STPG2: variants seen among roughly 807,000 people sequenced by gnomAD.
The protein encoded by STPG2 is sperm tail PG-rich repeat containing 2, also known as sperm-tail PG-rich repeat-containing protein 2.
Under a neutral mutation model 54.2 loss-of-function variants are expected in STPG2, and 56 were observed. The ratio of observed to expected loss-of-function variants is 1.03; its 90% CI spans 0.83 to 1.29. The LOEUF is 1.29. Among genes scored for constraint, STPG2 ranks in the 50% most tolerant of loss-of-function variants. STPG2 has a pLI of 0.00. For synonymous variants in STPG2, 200 were observed against 181.8 expected, an observed-to-expected ratio of 1.10 and a Z score of -0.81; for missense variants, 596 against 544.9, an observed-to-expected ratio of 1.09 and a Z score of -0.93.
intron 5 of STPG2, among the ~76,000 whole-genome samples, chr4:98,053,417 CCTT>C (rs777384770): frequency 3.3e-5 from 5 of 152,068 alleles, no homozygotes; most frequent in Non-Finnish European, 7.4e-5. Context: ...CATTCCATAT[CCTT>C]TAATATTCTG....
At chr4:97,927,117 C>T (rs960678487) in intron 8 of STPG2, among the ~76,000 whole-genome samples, 1 of 152,030 alleles carries the variant, frequency 6.6e-6, no homozygotes, top group Non-Finnish European at 1.5e-5. Context: ...TAAACTTTAA[C>T]CTAGCTCGAG....
intron 5 of STPG2, among the ~76,000 whole-genome samples, chr4:98,016,181 A>T (rs1428614786): frequency 1.3e-5 from 2 of 152,198 alleles, no homozygotes; most frequent in African/African-American, 4.8e-5. Context: ...CGCTCTGCAC[A>T]TGTATCCCAG....
intron 4 of STPG2, among the ~76,000 whole-genome samples, chr4:97,551,002 C>T (rs767287685): frequency 1.4e-5 from 2 of 144,286 alleles, no homozygotes; most frequent in East Asian, 1.9e-4. Context: ...AAACCTTCCA[C>T]ACGTGGAAGG....
At chr4:97,670,232 A>AT (rs1462100459) in intron 10 of STPG2, among the ~76,000 whole-genome samples, 1 of 152,062 alleles carries the variant, frequency 6.6e-6, no homozygotes, top group African/African-American at 2.4e-5. Flanking sequence ...TCTCAGAGTG[A>AT]TTTTCCCCAT....
At chr4:98,090,098 G>A (rs1486554590) in intron 5 of STPG2, among the ~76,000 whole-genome samples, 2 of 152,044 alleles carry the variant, frequency 1.3e-5, no homozygotes, top group Non-Finnish European at 1.5e-5. Context: ...GTTTGCTTTT[G>A]GGGTCTTAGT....
intron 6 of STPG2, among the ~76,000 whole-genome samples, chr4:97,975,487 T>C (rs781060830): frequency 1.3e-5 from 2 of 152,202 alleles, no homozygotes; most frequent in South Asian, 2.1e-4. Context: ...CAGTGGTAGT[T>C]CTGAGTGAAT....
At chr4:97,905,898 C>T (rs1731395219) in intron 8 of STPG2, among the ~76,000 whole-genome samples, 1 of 151,824 alleles carries the variant, frequency 6.6e-6, no homozygotes, top group African/African-American at 2.4e-5. Context: ...GAACTAAATG[C>T]CCACAAGAGA....
intron 10 of STPG2, among the ~76,000 whole-genome samples, chr4:97,661,817 C>G (rs1435472225): frequency 6.6e-6 from 1 of 152,076 alleles, no homozygotes; most frequent in Non-Finnish European, 1.5e-5. Flanking sequence ...TTTTCCTAGG[C>G]CTGATCTATC....
chr4:97,446,540 G>A (rs1332773004), intron 4 of STPG2, among the ~76,000 whole-genome samples: 2 of 152,200 alleles, frequency 1.3e-5, no homozygotes, highest in East Asian at 1.9e-4. Flanking sequence ...GTTTGGCTCT[G>A]TGTTCTCACC....
At chr4:97,607,158 T>G (rs1733615804) in intron 10 of STPG2, among the ~76,000 whole-genome samples, 2 of 152,064 alleles carry the variant, frequency 1.3e-5, no homozygotes, top group South Asian at 4.1e-4. Context: ...TTTGTATTAC[T>G]GCAATAATAG....
At chr4:97,490,537 T>C (rs967314012) in intron 4 of STPG2, among the ~76,000 whole-genome samples, 1 of 151,552 alleles carries the variant, frequency 6.6e-6, no homozygotes, top group African/African-American at 2.4e-5. Flanking sequence ...GGTTACATTA[T>C]AGAGACACTA....
intron 8 of STPG2, among the ~76,000 whole-genome samples, chr4:97,941,015 A>C (rs997913552): frequency 1.3e-5 from 2 of 152,150 alleles, no homozygotes; most frequent in Non-Finnish European, 2.9e-5. Flanking sequence ...TTTATGAACT[A>C]TTGCATGTCA....
chr4:97,738,479 G>C (rs1252317705), intron 9 of STPG2, among the ~76,000 whole-genome samples: 4 of 152,100 alleles, frequency 2.6e-5, no homozygotes, highest in African/African-American at 9.7e-5. Context: ...CTCACGTGCA[G>C]AGACACACAT....
intron 8 of STPG2, among the ~76,000 whole-genome samples, chr4:97,852,880 ATCT>A (rs1729208213): frequency 6.6e-6 from 1 of 151,740 alleles, no homozygotes; most frequent in African/African-American, 2.4e-5. Context: ...TAGATTGTAG[ATCT>A]CAATAGAAAA....
chr4:97,483,558 C>A (rs1216524919), intron 4 of STPG2, among the ~76,000 whole-genome samples: 1 of 151,590 alleles, frequency 6.6e-6, no homozygotes, highest in African/African-American at 2.4e-5. Flanking sequence ...TAAACTGGAG[C>A]TCCCAAATTT....
intron 5 of STPG2, among the ~76,000 whole-genome samples, chr4:98,096,149 C>T (rs1279160516): frequency 2.0e-5 from 3 of 152,166 alleles, no homozygotes; most frequent in African/African-American, 4.8e-5. Context: ...AATCCCAGCA[C>T]TTTGGGAGGC....
chr4:97,737,944 T>C (rs1032267791), intron 9 of STPG2, among the ~76,000 whole-genome samples: 6 of 152,046 alleles, frequency 3.9e-5, no homozygotes, highest in Non-Finnish European at 7.4e-5. Flanking sequence ...GGAAAAAATG[T>C]TAAGGGCAGC....
intron 10 of STPG2, among the ~76,000 whole-genome samples, chr4:97,604,271 A>G (rs1004174761): frequency 2.0e-5 from 3 of 151,726 alleles, no homozygotes; most frequent in Non-Finnish European, 4.4e-5. Context: ...CATTTCAAAA[A>G]TATTTTATAG....
chr4:97,950,950 C>G (rs1338597309), intron 7 of STPG2, among the ~76,000 whole-genome samples: 2 of 152,168 alleles, frequency 1.3e-5, no homozygotes, highest in Admixed American at 1.3e-4. Context: ...CCCCAAATTG[C>G]TCCTGGGGAC....
Sources: allele counts gnomAD v4.1 joint callset (sites outside exome capture counted in the v4.1 genomes callset), GRCh38; gene constraint gnomAD v4.1.1; transcripts MANE v1.5; gene names NCBI Gene and HGNC (gene_info 2026-07-23, HGNC 2026-07-21).